Variants in ADAP1 observed in about 807,000 individuals in gnomAD.
ADAP1 encodes the protein ArfGAP with dual PH domains 1, also known as arf-GAP with dual PH domain-containing protein 1.
A neutral mutation model predicts 54.9 loss-of-function variants in ADAP1; 31 were observed. That is an observed-to-expected ratio of 0.56 (90% CI 0.42 to 0.76). The LOEUF (loss-of-function observed/expected upper bound fraction) is 0.76, where lower values mean the gene tolerates loss of function less well. ADAP1 is among the 30% of genes least tolerant of loss of function. The pLI is 0.00. For missense variants in ADAP1, 535 were observed against 512.4 expected (o/e 1.04, Z -0.42); for synonymous variants, 313 against 202.6 (o/e 1.55, Z -4.63).
rs947269565 is a variant in ADAP1, at chr7:926,491, G to A, written c.305+62C>T. On this transcript the variant is annotated intron_variant, in intron 3 of 10. Transcript: ENST00000265846. This position sits in a 1 kb window ranked among gnomAD's most constrained non-coding sequence, Gnocchi z 4.6. ...ACTCCCCACCCTGCCGGGTCCTCCC[G>A]GGGCCATCTCGGAGCCACCCAGCAC... 6 of 1,416,510 alleles carry A rather than the reference G, an allele frequency of 4.2e-6. No individual in the cohort carries two copies. Among genetic ancestry groups the A allele is most frequent in the South Asian group, 2.7e-5 (2 of 73,438 alleles). 87.7% of individuals were successfully genotyped at this position (1,416,510 alleles called of 1,614,324 possible).
chr7:953,311 G>A (rs184285254), intron 1 of ADAP1, among the ~76,000 whole-genome samples: 25 of 152,330 alleles, frequency 1.6e-4, no homozygotes, highest in Non-Finnish European at 3.1e-4. Flanking sequence ...GGACACCCCA[G>A]CTCCTGATGT....
At chr7:909,124 T>A (rs963593873) in intron 4 of ADAP1, among the ~76,000 whole-genome samples, 125 of 139,764 alleles carry the variant, frequency 8.9e-4, no homozygotes, top group South Asian at 1.6e-3. Flanking sequence ...GGAACCCCGG[T>A]CCTCCCGACA....
intron 3 of ADAP1, among the ~76,000 whole-genome samples, chr7:921,071 G>A (rs1006161686): frequency 2.6e-5 from 4 of 152,032 alleles, no homozygotes; most frequent in Non-Finnish European, 5.9e-5. Context: ...CCCAAAATTC[G>A]GTCCCCGAAA....
At position 945,580 on chromosome 7, in the gene ADAP1, T is replaced by C. The variant is rs1002656602; in HGVS notation, c.82+8816A>G. On this transcript the variant is annotated intron_variant, in intron 1 of 10. Coordinates refer to ENST00000265846, the MANE Select transcript of ADAP1 (RefSeq NM_006869.4). This position sits in a 1 kb window ranked among gnomAD's most constrained non-coding sequence, Gnocchi z 4.2. ...ACTGGGCCCAAGGGTGGCTGCGGCA[T>C]GGCTGATGTGGTGGTGGAGATGGAG... Among the ~76,000 whole-genome samples, 1 of 152,234 alleles carries C rather than the reference T, an allele frequency of 6.6e-6. No homozygotes were observed. The highest frequency in any genetic ancestry group is 1.5e-5 in the Non-Finnish European group (1 of 68,036).
intron 3 of ADAP1, among the ~76,000 whole-genome samples, chr7:921,870 G>A (rs1003162919): frequency 6.6e-6 from 1 of 152,184 alleles, no homozygotes; most frequent in Non-Finnish European, 1.5e-5. Context: ...TGACAACCAC[G>A]CCTGCCAACG....
At chr7:899,517 G>A (rs376864645) in intron 8 of ADAP1, 27 bp from the exon 9 acceptor site, 186 of 1,607,786 alleles carry the variant, frequency 1.2e-4, no homozygotes, top group Non-Finnish European at 1.4e-4. Flanking sequence ...GCCCGTGACC[G>A]GCAGGTCGCC....
chr7:935,601 T>TGG (rs564197109), intron 1 of ADAP1, 96 bp from the exon 2 acceptor site: 5 of 1,435,850 alleles, frequency 3.5e-6, no homozygotes, highest in African/African-American at 1.4e-5. Context: ...GGCCATGCAG[T>TGG]GGGGGGGGCT....
At chr7:904,962 G>T (rs1450141890) in intron 5 of ADAP1, 98 bp downstream of exon 5, 38 of 1,034,370 alleles carry the variant, frequency 3.7e-5, no homozygotes, top group Middle Eastern at 2.6e-4. Context: ...CAGCAGGGAG[G>T]GCAGCTGCGG....
chr7:900,130 T>G lies in ADAP1; in HGVS notation c.767A>C (p.Glu256Ala), dbSNP rs1291123681. ...GGGCCCCGTCTTCTCCATGTAGCCT[T>G]CCTTCAGGTAGTTCCTGGAGAGCTT... is the stretch of plus-strand genomic sequence containing the variant. ...VPKLSRNYLK[E>A]GYMEKTGPKQ... The change falls in exon 8 of 11, where the codon GAA becomes GCA. Residue 256 changes from glutamate (E) to alanine (A), a missense_variant. Coordinates refer to ENST00000265846, the MANE Select transcript of ADAP1 (RefSeq NM_006869.4). 6.2e-7 allele frequency: 1 copy of G among 1,613,210 alleles called. No individual in the cohort carries two copies. The highest frequency in any genetic ancestry group is 8.5e-7 in the Non-Finnish European group (1 of 1,179,910).
chr7:903,625 C>T (rs1004346412), intron 6 of ADAP1, among the ~76,000 whole-genome samples: 2 of 152,096 alleles, frequency 1.3e-5, no homozygotes, highest in Non-Finnish European at 2.9e-5. Context: ...TACCTGGGTT[C>T]CCCCCAAGCC....
At chr7:949,088 A>C (rs1020650568) in intron 1 of ADAP1, among the ~76,000 whole-genome samples, 2 of 152,232 alleles carry the variant, frequency 1.3e-5, no homozygotes, top group African/African-American at 4.8e-5. Context: ...GGAACAGCAG[A>C]TGCTGAGAGT....
intron 1 of ADAP1, among the ~76,000 whole-genome samples, chr7:937,013 G>A (rs750452153): frequency 2.2e-4 from 34 of 152,326 alleles, no homozygotes; most frequent in Non-Finnish European, 4.6e-4. Flanking sequence ...GTGAGCCCCC[G>A]GCCGGGGATG....
chr7:930,613 G>A (rs1846542629), intron 2 of ADAP1, among the ~76,000 whole-genome samples: 1 of 151,798 alleles, frequency 6.6e-6, no homozygotes, highest in Admixed American at 6.6e-5. Context: ...GAGGCCAAGA[G>A]TTCAAGGCCA....
chr7:925,533 C>T (rs1846353028), intron 3 of ADAP1, among the ~76,000 whole-genome samples: 1 of 151,752 alleles, frequency 6.6e-6, no homozygotes, highest in South Asian at 2.1e-4. Context: ...ACCCCTGATC[C>T]CACTGCCCCT....
Position 946,546 on chromosome 7 carries a change from C to A in ADAP1, c.82+7850G>T, listed in dbSNP as rs1299799306. Among the ~76,000 whole-genome samples the A allele has an allele frequency of 6.6e-6, 1 of 152,012 alleles. No homozygotes were observed. The highest frequency in any genetic ancestry group is 1.5e-5 in the Non-Finnish European group (1 of 67,970). On this transcript the variant is annotated intron_variant, in intron 1 of 10. Transcript: ENST00000265846. This position sits in a 1 kb window ranked among gnomAD's most constrained non-coding sequence, Gnocchi z 4.3. ...AGAATCCCCCAAGGACCCCCCCAGG[C>A]TCTGCCCTGCCCCTGCCCTCCCACC...
At chr7:913,193 C>T (rs1333901786) in intron 4 of ADAP1, among the ~76,000 whole-genome samples, 1 of 130,218 alleles carries the variant, frequency 7.7e-6, no homozygotes, top group Admixed American at 8.9e-5. Context: ...GGCCTCCTCC[C>T]CTTCCTTTTT....
intron 2 of ADAP1, among the ~76,000 whole-genome samples, chr7:929,153 G>C (rs530698315): frequency 6.6e-6 from 1 of 152,030 alleles, no homozygotes; most frequent in Non-Finnish European, 1.5e-5. Flanking sequence ...TTAGCCGGGC[G>C]TGGTGGTGCA....
At position 945,706 on chromosome 7, in the gene ADAP1, C is replaced by G; in HGVS notation, c.82+8690G>C. 1.0e-6 allele frequency: 1 copy of G among 981,884 alleles called. No homozygotes were observed. The allele number at this position is 981,884 out of a possible 1,614,324, so 60.8% of individuals were successfully genotyped here. A position where few individuals can be genotyped will look rare whatever the true frequency, so the allele number is the denominator to read the frequency against. On this transcript the variant is annotated intron_variant, in intron 1 of 10. Coordinates refer to ENST00000265846, the MANE Select transcript of ADAP1 (RefSeq NM_006869.4). The surrounding 1 kb of genome is among the most constrained non-coding windows in gnomAD (Gnocchi z 4.2). ...CCAGGAGCTGCCTCCTCCTCGGAGA[C>G]TGCCCACAGCCGCCAGCCTCTTTCC...
intron 4 of ADAP1, among the ~76,000 whole-genome samples, chr7:905,886 AAGG>A (rs201592872): frequency 0.026 from 247 of 9,600 alleles, no homozygotes; most frequent in East Asian, 0.13. Flanking sequence ...AGAAAGGAGA[AAGG>A]AGAAAGGAGA....
Sources: gnomAD v4.1 joint callset for allele counts (sites outside exome capture counted in the v4.1 genomes callset) on GRCh38, gnomAD v4.1.1 for gene constraint, Gnocchi (gnomAD v3.1) non-coding constraint, MANE v1.5 for transcripts, NCBI Gene and HGNC (gene_info 2026-07-23, HGNC 2026-07-21) for gene names.